The following ZNF699 variants were observed in gnomAD, a reference collection of about 807,000 sequenced individuals.
The protein encoded by ZNF699 is hangover homolog.
ZNF699 carries 18 observed loss-of-function variants against 22.5 expected under a neutral mutation model. The ratio of observed to expected loss-of-function variants is 0.80; its 90% CI spans 0.55 to 1.19. The LOEUF is 1.19. Among genes scored for constraint, ZNF699 ranks in the 50% most tolerant of loss-of-function variants. The pLI is 0.00. For synonymous variants in ZNF699, 241 were observed against 262.3 expected (o/e 0.92, Z 0.78); for missense variants, 670 against 763.4 (o/e 0.88, Z 1.44).
In ZNF699 at chr19:9,296,949, G is replaced by A. The variant is rs775530238; in HGVS notation, c.471-16C>T. On this transcript the variant is annotated splice_polypyrimidine_tract_variant and intron_variant, in intron 5 of 5. Coordinates refer to ENST00000591998, the MANE Select transcript of ZNF699 (RefSeq NM_198535.3). ...CATATGATTTCTTTTAAAAATAAAA[G>A]ACACATTATTAGTAATAAATTTCTA... The A allele has an allele frequency of 7.2e-6, 11 of 1,537,270 alleles. No individual in the cohort carries two copies. Among genetic ancestry groups the A allele is most frequent in the South Asian group, 1.2e-5 (1 of 81,742 alleles).
chr19:9,295,689 G>A lies in ZNF699; in HGVS notation c.1715C>T (p.Ser572Leu). Residue 572 changes from serine (S) to leucine (L), a missense_variant, in exon 6 of 6, where the codon TCA (serine) becomes TTA (leucine). Coordinates refer to ENST00000591998, the MANE Select transcript of ZNF699 (RefSeq NM_198535.3). ...CATTCTTGCATGTACAGTAAGGTAT[G>A]AAGAATGACGAAATGCTTTCCCACA... The part of the protein sequence containing the change: ...KECGKAFRHS[S>L]YLTVHARMHT... The A allele has an allele frequency of 6.2e-7, 1 of 1,614,174 alleles. No individual in the cohort carries two copies. Among genetic ancestry groups the A allele is most frequent in the Non-Finnish European group, 8.5e-7 (1 of 1,180,014 alleles).
Position 9,297,816 on chromosome 19 carries a change from T to A in ZNF699, c.286+64A>T. Reference sequence around the variant, plus strand: ...TTCCTCATATAAAACAAAGTTTGTTTTTGTTTTTTACTTTAAGTTTATTTT... The same window carrying A: ...TTCCTCATATAAAACAAAGTTTGTTATTGTTTTTTACTTTAAGTTTATTTT... On this transcript the variant is annotated intron_variant, in intron 4 of 5. Coordinates refer to ENST00000591998, the MANE Select transcript of ZNF699 (RefSeq NM_198535.3). The surrounding 1 kb of genome is among the most constrained non-coding windows in gnomAD (Gnocchi z 4.3). 7.5e-7 allele frequency: 1 copy of A among 1,331,058 alleles called. No homozygotes were observed. The highest frequency in any genetic ancestry group is 1.2e-5 in the South Asian group (1 of 83,388). 82.5% of individuals were successfully genotyped at this position (1,331,058 alleles called of 1,614,324 possible).
Position 9,291,248 on chromosome 19 carries a change from AT to A in ZNF699, c.*4226del, listed in dbSNP as rs1192019556. On this transcript the variant is annotated 3_prime_UTR_variant, in exon 6 of 6. Coordinates refer to ENST00000591998, the MANE Select transcript of ZNF699 (RefSeq NM_198535.3). ...CAGGTTATTTTATAAAACCAATGCA[AT>A]TACAGGCATAGTACCAAAAATTCAT... Among the ~76,000 whole-genome samples, 1 of 152,186 alleles carries A rather than the reference AT, an allele frequency of 6.6e-6. No homozygotes were observed. The highest frequency in any genetic ancestry group is 1.5e-5 in the Non-Finnish European group (1 of 68,026).
Position 9,296,086 on chromosome 19 carries a change from T to A in ZNF699, c.1318A>T (p.Asn440Tyr), listed in dbSNP as rs957178753. 6.2e-7 allele frequency: 1 copy of A among 1,613,740 alleles called. No homozygotes were observed. The highest frequency in any genetic ancestry group is 1.7e-5 in the Admixed American group (1 of 59,962). Residue 440 changes from asparagine to tyrosine, a missense_variant, in exon 6 of 6, where the codon AAT becomes TAT. Coordinates refer to ENST00000591998, the MANE Select transcript of ZNF699 (RefSeq NM_198535.3). ...TCATAGGGTTTCTCTCGACTTTGAT[T>A]TTTCACATGTGTATTAAGGGAAGTG... ...LPTSLNTHVKNQSREKPYECK... is the reference protein window; with the variant it reads ...LPTSLNTHVKYQSREKPYECK...
rs756143403 is a variant in ZNF699, at chr19:9,295,812, T to C, written c.1592A>G (p.Tyr531Cys). 2.5e-6 allele frequency: 4 copies of C among 1,614,064 alleles called. No individual in the cohort carries two copies. Among genetic ancestry groups the C allele is most frequent in the Middle Eastern group, 1.6e-4 (1 of 6,062 alleles). The change falls in exon 6 of 6, where the codon TAT becomes TGT. Residue 531 changes from tyrosine (Y) to cysteine (C), a missense_variant. By Grantham distance (194) the Tyr-to-Cys change is radical (BLOSUM62 -2). Coordinates refer to ENST00000591998, the MANE Select transcript of ZNF699 (RefSeq NM_198535.3). ...HIRTHTGEKP[Y>C]ECKKCGKAFI... ...GGCTTTCCCACATTTCTTACATTCA[T>C]AGGGTTTCTCTCCAGTGTGAGTTCT...
At chr19:9,308,883 C>G (rs188398598) in intron 1 of ZNF699, among the ~76,000 whole-genome samples, 14 of 152,156 alleles carry the variant, frequency 9.2e-5, no homozygotes, top group Non-Finnish European at 1.9e-4. Context: ...TGAAATTTAA[C>G]CAATCTATAG....
At chr19:9,307,104 G>A (rs763914957) in intron 1 of ZNF699, among the ~76,000 whole-genome samples, 6 of 152,192 alleles carry the variant, frequency 3.9e-5, no homozygotes, top group Admixed American at 6.5e-5. Flanking sequence ...AGGAGGCTGA[G>A]GCAGGAGAAT....
Position 9,297,789 on chromosome 19 carries a change from G to T in ZNF699, c.286+91C>A. 1.1e-6 allele frequency: 1 copy of T among 947,260 alleles called. No individual in the cohort carries two copies. The highest frequency in any genetic ancestry group is 1.7e-6 in the Non-Finnish European group (1 of 599,306). The allele number at this position is 947,260 out of a possible 1,614,324, so 58.7% of individuals were successfully genotyped here. ...CATCTGAGCTATCTGTGGAAGATGA[G>T]CTTCCTCATATAAAACAAAGTTTGT... On this transcript the variant is annotated intron_variant, in intron 4 of 5. Transcript: ENST00000591998. The surrounding 1 kb of genome is among the most constrained non-coding windows in gnomAD (Gnocchi z 4.3).
chr19:9,305,608 C>T (rs2066324863), intron 1 of ZNF699, among the ~76,000 whole-genome samples: 1 of 152,240 alleles, frequency 6.6e-6, no homozygotes. Context: ...CTTCTGCACC[C>T]CTTGGCTGGC....
At chr19:9,301,023 GGA>G (rs1423742349) in intron 3 of ZNF699, among the ~76,000 whole-genome samples, 2 of 152,092 alleles carry the variant, frequency 1.3e-5, no homozygotes, top group Non-Finnish European at 2.9e-5. Context: ...TGTTATTAGA[GGA>G]GGCTATGCAT....
intron 3 of ZNF699, among the ~76,000 whole-genome samples, chr19:9,302,167 G>A (rs916261448): frequency 6.6e-6 from 1 of 152,154 alleles, no homozygotes; most frequent in African/African-American, 2.4e-5. Context: ...CTCCCAAAAT[G>A]CTGGGATTAC....
In ZNF699 at chr19:9,295,848, G is replaced by C. The variant is rs1419532823; in HGVS notation, c.1556C>G (p.Thr519Arg). The change falls in exon 6 of 6, where the codon ACA (threonine) becomes AGA (arginine). Residue 519 changes from threonine to arginine, a missense_variant. By Grantham distance (71) the Thr-to-Arg change is moderately conservative. Transcript: ENST00000591998. ...GKAFISSSHL[T>R]VHIRTHTGEK... The stretch of plus-strand genomic sequence containing the variant: ...TCCAGTGTGAGTTCTGATATGTACT[G>C]TAAGGTGGGAGGAACTAATAAAGGC... The C allele has an allele frequency of 6.2e-7, 1 of 1,613,682 alleles. No homozygotes were observed. Among genetic ancestry groups the C allele is most frequent in the Middle Eastern group, 1.7e-4 (1 of 6,058 alleles).
At position 9,296,031 on chromosome 19, in the gene ZNF699, C is replaced by A. The variant is rs764286289; in HGVS notation, c.1373G>T (p.Cys458Phe). 6 of 1,612,378 alleles carry A rather than the reference C, an allele frequency of 3.7e-6. No homozygotes were observed. Among genetic ancestry groups the A allele is most frequent in the African/African-American group, 1.3e-5 (1 of 74,348 alleles). ...ECKECGKAFS[C>F]PSSFRAHVRD... ...CACATGTGCTCTAAAGGACGAGGGACAACTAAAGGCCTTCCCACATTCCTT... is the reference window on the plus strand; with the variant it reads ...CACATGTGCTCTAAAGGACGAGGGAAAACTAAAGGCCTTCCCACATTCCTT... The change falls in exon 6 of 6, where the codon TGT becomes TTT. Residue 458 changes from cysteine to phenylalanine, a missense_variant. Transcript: ENST00000591998.
In ZNF699 at chr19:9,297,554, T is replaced by A; in HGVS notation, c.287-75A>T. On this transcript the variant is annotated intron_variant, in intron 4 of 5. Coordinates refer to ENST00000591998, the MANE Select transcript of ZNF699 (RefSeq NM_198535.3). The surrounding 1 kb of genome is among the most constrained non-coding windows in gnomAD (Gnocchi z 4.3). ...AGTGACTATTTCAGGACTTTGGTAT[T>A]AATAGGCACAAGGGTCAAAATGGTA... The A allele has an allele frequency of 8.2e-7, 1 of 1,218,900 alleles. No individual in the cohort carries two copies. The highest frequency in any genetic ancestry group is 1.1e-6 in the Non-Finnish European group (1 of 880,038). 75.5% of individuals were successfully genotyped at this position (1,218,900 alleles called of 1,614,324 possible). A position where few individuals can be genotyped will look rare whatever the true frequency, so the allele number is the denominator to read the frequency against.
rs1255390230 is a variant in ZNF699, at chr19:9,293,413, T to C, written c.*2062A>G. 6.6e-6 allele frequency among the ~76,000 whole-genome samples: 1 copy of C among 152,166 alleles called. No homozygotes were observed. The highest frequency in any genetic ancestry group is 1.5e-5 in the Non-Finnish European group (1 of 68,018). On this transcript the variant is annotated 3_prime_UTR_variant, in exon 6 of 6. Transcript: ENST00000591998. The stretch of plus-strand genomic sequence containing the variant: ...AAAACTAAATTTAAAGTCTACCCTA[T>C]GATTCAGTAAATTCATTCCTGAGCA...
In ZNF699 at chr19:9,305,267, A is replaced by G. The variant is rs867848272; in HGVS notation, c.-5-143T>C. 68 of 365,664 alleles carry G rather than the reference A, an allele frequency of 1.9e-4. No homozygotes were observed. The Middle Eastern group carries it at 7.2e-3, about 39-fold the overall frequency. 22.7% of individuals were successfully genotyped at this position (365,664 alleles called of 1,614,324 possible). A position where few individuals can be genotyped will look rare whatever the true frequency, so the allele number is the denominator to read the frequency against. Reference sequence around the variant, plus strand: ...AGTAACAACTCCCCTCAAAACACATACACACACACACACACACACATGCAC... The same window carrying G: ...AGTAACAACTCCCCTCAAAACACATGCACACACACACACACACACATGCAC... On this transcript the variant is annotated intron_variant, in intron 1 of 5. Transcript: ENST00000591998.
In ZNF699 at chr19:9,293,703, G is replaced by C. The variant is rs73504722; in HGVS notation, c.*1772C>G. 6.6e-6 allele frequency among the ~76,000 whole-genome samples: 1 copy of C among 152,026 alleles called. No individual in the cohort carries two copies. The highest frequency in any genetic ancestry group is 2.4e-5 in the African/African-American group (1 of 41,342). ...GGAAATGTTCTGTTTACCAGGACAT[G>C]TACATACATGAAATGTCATTAAGCT... On this transcript the variant is annotated 3_prime_UTR_variant, in exon 6 of 6. Transcript: ENST00000591998.
In ZNF699 at chr19:9,295,461, C is replaced by T. The variant is rs1250635977; in HGVS notation, c.*14G>A. ...GGATCTGAAGCTTTGCAGACATTCC[C>T]ATATTCCTTACATTTATATGTTTTC... On this transcript the variant is annotated 3_prime_UTR_variant, in exon 6 of 6. Transcript: ENST00000591998. 2 of 1,590,984 alleles carry T rather than the reference C, an allele frequency of 1.3e-6. No homozygotes were observed. The highest frequency in any genetic ancestry group is 3.5e-5 in the Admixed American group (2 of 57,916).
intron 3 of ZNF699, among the ~76,000 whole-genome samples, chr19:9,301,137 AAGAGAGAGAG>A (rs57187431): frequency 2.8e-5 from 4 of 144,578 alleles, no homozygotes; most frequent in East Asian, 2.0e-4. Context: ...ACAAAAAAAA[AAGAGAGAGAG>A]AGAGAGAGAG....
Sources: allele counts gnomAD v4.1 joint callset (sites outside exome capture counted in the v4.1 genomes callset), GRCh38; gene constraint gnomAD v4.1.1; non-coding constraint Gnocchi (gnomAD v3.1); transcripts MANE v1.5; gene names NCBI Gene and HGNC (gene_info 2026-07-23, HGNC 2026-07-21).